The following HMGA2 variants were observed in gnomAD, a reference collection of about 807,000 sequenced individuals.
HMGA2 encodes the protein high mobility group protein HMGI-C.
In HMGA2, 8 loss-of-function variants were observed where a neutral mutation model predicts 19.1. The ratio of observed to expected loss-of-function variants is 0.42; its 90% CI spans 0.25 to 0.76. The LOEUF (loss-of-function observed/expected upper bound fraction) is 0.76. HMGA2 is among the 30% of genes least tolerant of loss of function. HMGA2 has a pLI of 0.28. For synonymous variants in HMGA2, 60 were observed against 48.8 expected (o/e 1.23, Z -0.96); for missense variants, 109 against 136.3 (o/e 0.80, Z 1.00).
At chr12:65,878,305 C>T (rs556168445) in intron 3 of HMGA2, among the ~76,000 whole-genome samples, 1 of 152,282 alleles carries the variant, frequency 6.6e-6, no homozygotes, top group South Asian at 2.1e-4. Flanking sequence ...TGAAGAACTG[C>T]CAAGCTAGGT....
chr12:65,834,850 C>A (rs545190104), intron 2 of HMGA2, among the ~76,000 whole-genome samples: 62 of 152,296 alleles, frequency 4.1e-4, no homozygotes, highest in Non-Finnish European at 4.4e-5. Flanking sequence ...TTCTCCTAAT[C>A]TTCATGGACT....
At chr12:65,889,465 T>C (rs934442957) in intron 3 of HMGA2, among the ~76,000 whole-genome samples, 4 of 152,190 alleles carry the variant, frequency 2.6e-5, no homozygotes, top group Non-Finnish European at 5.9e-5. Context: ...CGTGTATATG[T>C]ATATATACCC....
chr12:65,900,917 T>C (rs1250907788), intron 3 of HMGA2, among the ~76,000 whole-genome samples: 1 of 152,246 alleles, frequency 6.6e-6, no homozygotes, highest in Non-Finnish European at 1.5e-5. Context: ...ATAAATTATG[T>C]TTAAAAACAG....
chr12:65,887,620 G>C (rs1389614089), intron 3 of HMGA2, among the ~76,000 whole-genome samples: 1 of 152,054 alleles, frequency 6.6e-6, no homozygotes, highest in East Asian at 1.9e-4. Context: ...CAACTCAGGA[G>C]GCTGAGGCAG....
intron 3 of HMGA2, among the ~76,000 whole-genome samples, chr12:65,853,579 C>T (rs1024387674): frequency 6.6e-5 from 10 of 152,128 alleles, no homozygotes; most frequent in African/African-American, 2.2e-4. Context: ...TCCCGAGGCC[C>T]TTTTCTCTAT....
chr12:65,852,200 A>G (rs2120931118), intron 3 of HMGA2, among the ~76,000 whole-genome samples: 1 of 152,246 alleles, frequency 6.6e-6, no homozygotes, highest in South Asian at 2.1e-4. Flanking sequence ...ATCAGCAATT[A>G]AAATTTCATA....
chr12:65,907,865 T>A (rs1874670779), intron 3 of HMGA2, among the ~76,000 whole-genome samples: 1 of 152,170 alleles, frequency 6.6e-6, no homozygotes, highest in Admixed American at 6.5e-5. Flanking sequence ...GTCCTTCTAC[T>A]GCTTCTGGGT....
rs1388380276 is a variant in HMGA2 at position 65,844,631 on chromosome 12, A to T, written c.249+6062A>T. ...TAATATGTAAGTGCTATTCTTAATT[A>T]TTCTGTTAAATGAAGACTTTCAAAA... On this transcript the variant is annotated intron_variant, in intron 3 of 4. Coordinates refer to ENST00000403681, the MANE Select transcript of HMGA2 (RefSeq NM_003483.6). Among the ~76,000 whole-genome samples the T allele has an allele frequency of 2.0e-5, 3 of 152,332 alleles. No homozygotes were observed. In the East Asian group the frequency reaches 5.8e-4, roughly 29 times the overall value.
At chr12:65,913,313 CT>C (rs966183000) in intron 3 of HMGA2, among the ~76,000 whole-genome samples, 7 of 152,162 alleles carry the variant, frequency 4.6e-5, no homozygotes, top group Non-Finnish European at 1.0e-4. Flanking sequence ...CACTTCTCCG[CT>C]TTTCTCCGGG....
intron 3 of HMGA2, among the ~76,000 whole-genome samples, chr12:65,884,685 C>A (rs1873583231): frequency 6.6e-6 from 1 of 152,124 alleles, no homozygotes; most frequent in South Asian, 2.1e-4. Context: ...TGGAATTATG[C>A]TTCTAAATTC....
chr12:65,961,823 AT>A (rs1876761097), intron 4 of HMGA2, among the ~76,000 whole-genome samples: 1 of 151,820 alleles, frequency 6.6e-6, no homozygotes, highest in Admixed American at 6.6e-5. Flanking sequence ...TTTTTCTCCC[AT>A]TTGCTGCTTT....
Position 65,963,538 on chromosome 12 carries a change from A to G in HMGA2, c.*246A>G. On this transcript the variant is annotated 3_prime_UTR_variant, in exon 5 of 5. Coordinates refer to ENST00000403681, the MANE Select transcript of HMGA2 (RefSeq NM_003483.6). ...TTTAGTGAAAAACTGCTGTAAACAC[A>G]GGGGACACAGCTTAACAATGCAACT... 2 of 554,784 alleles carry G rather than the reference A, an allele frequency of 3.6e-6. No individual in the cohort carries two copies. The highest frequency in any genetic ancestry group is 6.4e-6 in the Non-Finnish European group (2 of 313,462). The allele number at this position is 554,784 out of a possible 1,614,324, so 34.4% of individuals were successfully genotyped here.
intron 3 of HMGA2, among the ~76,000 whole-genome samples, chr12:65,888,858 C>G (rs531560967): frequency 5.4e-5 from 8 of 147,664 alleles, no homozygotes; most frequent in African/African-American, 2.0e-4. Context: ...CCACGGCGCC[C>G]GGCCCCGTGG....
At chr12:65,933,163 A>G (rs1480474) in intron 3 of HMGA2, among the ~76,000 whole-genome samples, 70,457 of 151,724 alleles carry the variant, frequency 0.46, 17,290 homozygotes, top group East Asian at 0.9. Context: ...TAATTTGAAG[A>G]TAAAGTAGGG....
intron 3 of HMGA2, among the ~76,000 whole-genome samples, chr12:65,885,786 C>T (rs1873632012): frequency 6.6e-6 from 1 of 152,128 alleles, no homozygotes; most frequent in Non-Finnish European, 1.5e-5. Flanking sequence ...ATTTTTATAA[C>T]CAATGACTTT....
intron 3 of HMGA2, among the ~76,000 whole-genome samples, chr12:65,931,192 A>AT (rs937948932): frequency 2.6e-5 from 4 of 151,944 alleles, no homozygotes; most frequent in Admixed American, 1.3e-4. Context: ...TGGTTATTGG[A>AT]TTTTTTTTAA....
At chr12:65,845,362 G>A (rs1220531070) in intron 3 of HMGA2, among the ~76,000 whole-genome samples, 3 of 151,992 alleles carry the variant, frequency 2.0e-5, no homozygotes, top group African/African-American at 7.3e-5. Flanking sequence ...TCTGCCTCCC[G>A]GGTTCAAGTG....
chr12:65,944,960 C>T (rs964337822), intron 3 of HMGA2, among the ~76,000 whole-genome samples: 7 of 152,108 alleles, frequency 4.6e-5, no homozygotes, highest in African/African-American at 1.7e-4. Flanking sequence ...CAGCCTCGAA[C>T]TTCTGGACTC....
At chr12:65,833,580 T>G (rs1870568633) in intron 2 of HMGA2, among the ~76,000 whole-genome samples, 1 of 152,184 alleles carries the variant, frequency 6.6e-6, no homozygotes. Flanking sequence ...GTTTCCAACC[T>G]CTGCTCTTGT....
Sources: gnomAD v4.1 joint callset for allele counts (sites outside exome capture counted in the v4.1 genomes callset) on GRCh38, gnomAD v4.1.1 for gene constraint, MANE v1.5 for transcripts, NCBI Gene and HGNC (gene_info 2026-07-23, HGNC 2026-07-21) for gene names.